Variants in WDR7 observed in about 807,000 individuals in gnomAD.
WDR7 encodes the protein WD repeat-containing protein 7.
Under a neutral mutation model 169.4 loss-of-function variants are expected in WDR7, and 46 were observed. The observed-to-expected ratio is 0.27, with a 90% confidence interval of 0.21 to 0.35. WDR7 has a LOEUF of 0.35. Among genes scored for constraint, WDR7 ranks in the 10% least tolerant of loss-of-function variants. WDR7 has a pLI of 1.00. For missense variants in WDR7, 1,534 were observed against 1,859.3 expected (o/e 0.83, Z 3.22); for synonymous variants, 612 against 666.8 (o/e 0.92, Z 1.27).
At chr18:56,864,402 T>G (rs2045852607) in intron 20 of WDR7, among the ~76,000 whole-genome samples, 1 of 151,670 alleles carries the variant, frequency 6.6e-6, no homozygotes, top group Non-Finnish European at 1.5e-5. Context: ...CATAAGTATC[T>G]GGCCATATAT....
At chr18:56,954,368 A>T (rs2047221348) in intron 25 of WDR7, among the ~76,000 whole-genome samples, 1 of 152,312 alleles carries the variant, frequency 6.6e-6, no homozygotes, top group East Asian at 1.9e-4. Flanking sequence ...GAACTGTGGC[A>T]TACCATACAG....
chr18:56,908,836 A>G (rs1483389833), intron 21 of WDR7, among the ~76,000 whole-genome samples: 1 of 152,134 alleles, frequency 6.6e-6, no homozygotes, highest in Non-Finnish European at 1.5e-5. Flanking sequence ...CAATCATTGC[A>G]CTGTTTTTTC....
intron 25 of WDR7, among the ~76,000 whole-genome samples, chr18:56,947,728 C>T (rs766474558): frequency 3.3e-5 from 5 of 152,172 alleles, no homozygotes; most frequent in Admixed American, 6.5e-5. Context: ...CATCATGAAA[C>T]GTGAAGGCGT....
At chr18:56,802,417 G>A (rs2044690768) in intron 19 of WDR7, among the ~76,000 whole-genome samples, 1 of 151,762 alleles carries the variant, frequency 6.6e-6, no homozygotes, top group Admixed American at 6.6e-5. Context: ...GAGTGCAGTG[G>A]CATGATCTCG....
chr18:56,949,555 C>T (rs888936243), intron 25 of WDR7, among the ~76,000 whole-genome samples: 5 of 152,304 alleles, frequency 3.3e-5, no homozygotes, highest in South Asian at 4.1e-4. Flanking sequence ...AATCTGCTTG[C>T]GCAGACGTGT....
intron 20 of WDR7, among the ~76,000 whole-genome samples, chr18:56,878,753 G>T (rs2046063901): frequency 6.6e-6 from 1 of 152,090 alleles, no homozygotes; most frequent in Non-Finnish European, 1.5e-5. Context: ...CCACTAATCT[G>T]CTTTCTGTCT....
At chr18:57,016,963 A>C (rs1055913248) in intron 26 of WDR7, among the ~76,000 whole-genome samples, 3 of 152,250 alleles carry the variant, frequency 2.0e-5, no homozygotes, top group Non-Finnish European at 4.4e-5. Flanking sequence ...TAAAAAGTCT[A>C]CCAAACCTCT....
At position 56,776,862 on chromosome 18, in the gene WDR7, T is replaced by C; in HGVS notation, c.2929T>C (p.Cys977Arg). 1 of 1,613,442 alleles carries C rather than the reference T, an allele frequency of 6.2e-7. No individual in the cohort carries two copies. Among genetic ancestry groups the C allele is most frequent in the Non-Finnish European group, 8.5e-7 (1 of 1,179,552 alleles). The change falls in exon 17 of 28, where the codon TGT becomes CGT. Residue 977 changes from cysteine (C) to arginine (R), a missense_variant. Physicochemically the swap from Cys to Arg is radical, Grantham distance 180. Coordinates refer to ENST00000254442, the MANE Select transcript of WDR7 (RefSeq NM_015285.3). ...TCCTTCTGCTCCTGCTTTACATACC[T>C]GTTTCTTAGTAAATGAAGGTATCTC... Reference protein sequence around the residue: ...DPPSAPALHTCFLVNEGWSQL... With the variant: ...DPPSAPALHTRFLVNEGWSQL...
chr18:56,651,675 C>T (rs1444112523), intron 1 of WDR7, 99 bp downstream of exon 1: 1 of 152,424 alleles, frequency 6.6e-6, no homozygotes, highest in Non-Finnish European at 1.5e-5. Context: ...CAAACCCGCT[C>T]TAGCCGGGGG....
At chr18:56,778,632 T>A (rs1478666119) in intron 17 of WDR7, among the ~76,000 whole-genome samples, 1 of 152,222 alleles carries the variant, frequency 6.6e-6, no homozygotes, top group East Asian at 1.9e-4. Flanking sequence ...TTGGAGTGAC[T>A]ATTTGGGAAT....
intron 26 of WDR7, among the ~76,000 whole-genome samples, chr18:56,967,914 AT>A (rs2047433574): frequency 2.0e-5 from 3 of 152,356 alleles, no homozygotes; most frequent in East Asian, 3.9e-4. Flanking sequence ...TGGTTAGGGA[AT>A]AATGACCAAA....
At chr18:56,669,801 G>T (rs1420817334) in intron 1 of WDR7, among the ~76,000 whole-genome samples, 1 of 152,004 alleles carries the variant, frequency 6.6e-6, no homozygotes, top group African/African-American at 2.4e-5. Flanking sequence ...AATAAATCCT[G>T]TCCTGTGACT....
intron 14 of WDR7, among the ~76,000 whole-genome samples, chr18:56,736,746 A>G (rs929548242): frequency 6.6e-6 from 1 of 152,060 alleles, no homozygotes; most frequent in Non-Finnish European, 1.5e-5. Flanking sequence ...AGCTGAGTAT[A>G]AGAAGTGGAG....
chr18:56,841,535 G>C (rs1419108994), intron 20 of WDR7, among the ~76,000 whole-genome samples: 1 of 148,160 alleles, frequency 6.7e-6, no homozygotes, highest in Non-Finnish European at 1.5e-5. Flanking sequence ...GACAGAGTGA[G>C]ACTCTGTCTA....
intron 2 of WDR7, among the ~76,000 whole-genome samples, chr18:56,673,738 G>A (rs2025185085): frequency 6.6e-6 from 1 of 151,870 alleles, no homozygotes; most frequent in South Asian, 2.1e-4. Context: ...CAGAGGCTGA[G>A]GTGGAAAAAA....
chr18:56,799,046 T>C (rs1294971058), intron 19 of WDR7, among the ~76,000 whole-genome samples: 1 of 152,142 alleles, frequency 6.6e-6, no homozygotes, highest in African/African-American at 2.4e-5. Flanking sequence ...AACAAAGTAG[T>C]CATGGTCCCT....
At chr18:56,958,158 G>A (rs1369773059) in intron 25 of WDR7, among the ~76,000 whole-genome samples, 1 of 152,138 alleles carries the variant, frequency 6.6e-6, no homozygotes, top group African/African-American at 2.4e-5. Flanking sequence ...GTGCTTCAAA[G>A]TGATTTGCTG....
At chr18:56,876,038 C>T (rs2046017374) in intron 20 of WDR7, among the ~76,000 whole-genome samples, 1 of 152,170 alleles carries the variant, frequency 6.6e-6, no homozygotes, top group Non-Finnish European at 1.5e-5. Flanking sequence ...TATTTAATGG[C>T]TTTCAATTAG....
At chr18:56,970,881 A>C (rs2047474379) in intron 26 of WDR7, among the ~76,000 whole-genome samples, 1 of 152,218 alleles carries the variant, frequency 6.6e-6, no homozygotes. Flanking sequence ...AGATTTGTGC[A>C]TTTTATTATC....
Sources: allele counts gnomAD v4.1 joint callset (sites outside exome capture counted in the v4.1 genomes callset), GRCh38; gene constraint gnomAD v4.1.1; transcripts MANE v1.5; gene names NCBI Gene and HGNC (gene_info 2026-07-23, HGNC 2026-07-21).